Variants in LCA5 observed in about 807,000 individuals in gnomAD.
The protein encoded by LCA5 is lebercilin.
LCA5 carries 37 observed loss-of-function variants against 53.0 expected under a neutral mutation model. The ratio of observed to expected loss-of-function variants is 0.70; its 90% CI spans 0.54 to 0.92. LCA5 has a LOEUF of 0.92. LCA5 is among the 40% of genes least tolerant of loss of function. The pLI is 0.00. For synonymous variants in LCA5, 303 were observed against 282.9 expected (o/e 1.07, Z -0.71); for missense variants, 806 against 790.5 (o/e 1.02, Z -0.23).
At chr6:79,516,332 GA>G (rs1186065480) in intron 2 of LCA5, among the ~76,000 whole-genome samples, 1 of 151,622 alleles carries the variant, frequency 6.6e-6, no homozygotes, top group Non-Finnish European at 1.5e-5. Context: ...TCAGCTCTTG[GA>G]ATGACAGAAA....
At position 79,487,603 on chromosome 6, in the gene LCA5, G is replaced by C; in HGVS notation, c.1495C>G (p.Leu499Val). 1 of 1,613,994 alleles carries C rather than the reference G, an allele frequency of 6.2e-7. No individual in the cohort carries two copies. Among genetic ancestry groups the C allele is most frequent in the Non-Finnish European group, 8.5e-7 (1 of 1,179,920 alleles). ...LPLLPDFESK[L>V]HSPERSPKTY... ...TTGGGGCTTCTCTCTGGGGAGTGTA[G>C]TTTTGATTCAAAATCAGGTAACAAT... The change falls in exon 8 of 8, where the codon CTA becomes GTA. Residue 499 changes from leucine (L) to valine (V), a missense_variant. Leu to Val is a conservative substitution (Grantham distance 32). Coordinates refer to ENST00000369846, the MANE Select transcript of LCA5 (RefSeq NM_001122769.3).
intron 1 of LCA5, among the ~76,000 whole-genome samples, chr6:79,522,765 C>T (rs1766659199): frequency 6.6e-6 from 1 of 152,120 alleles, no homozygotes; most frequent in African/African-American, 2.4e-5. Context: ...TGGCTTACTG[C>T]AACCTTGAAC....
At chr6:79,509,536 G>A (rs1004738061) in intron 3 of LCA5, among the ~76,000 whole-genome samples, 4 of 150,870 alleles carry the variant, frequency 2.7e-5, no homozygotes, top group Non-Finnish European at 5.9e-5. Context: ...CAGAAATGAA[G>A]CAGTTTAGAT....
chr6:79,494,348 A>G (rs1449356065), intron 3 of LCA5, among the ~76,000 whole-genome samples: 1 of 152,178 alleles, frequency 6.6e-6, no homozygotes, highest in East Asian at 1.9e-4. Flanking sequence ...AAACATCTCT[A>G]GATAAAAACA....
In LCA5 at chr6:79,518,789, A is replaced by C; in HGVS notation, c.106T>G (p.Ser36Ala). ...DFETPQSSGRSSLVSSSPASV... is the reference protein window; with the variant it reads ...DFETPQSSGRASLVSSSPASV... ...GCAGGTGAAGAACTGACCAGCGATG[A>C]TCGGCCAGAAGACTGTGGCGTTTCA... Residue 36 changes from serine (S) to alanine (A), a missense_variant, in exon 2 of 8, where the codon TCA becomes GCA. By Grantham distance (99) the Ser-to-Ala change is moderately conservative. Coordinates refer to ENST00000369846, the MANE Select transcript of LCA5 (RefSeq NM_001122769.3). The C allele has an allele frequency of 3.1e-6, 5 of 1,614,170 alleles. No homozygotes were observed. The highest frequency in any genetic ancestry group is 4.2e-6 in the Non-Finnish European group (5 of 1,180,026).
intron 3 of LCA5, among the ~76,000 whole-genome samples, chr6:79,494,861 T>C (rs572580374): frequency 4.6e-4 from 70 of 152,278 alleles, no homozygotes; most frequent in Admixed American, 1.3e-3. Context: ...TGTTAAGAAA[T>C]AAAGTGTCTT....
intron 3 of LCA5, among the ~76,000 whole-genome samples, chr6:79,501,338 G>C (rs1165957911): frequency 6.6e-6 from 1 of 151,982 alleles, no homozygotes; most frequent in Non-Finnish European, 1.5e-5. Context: ...TTATGCCAGA[G>C]AGTGCCAAAT....
chr6:79,529,836 C>G (rs1019960853), intron 1 of LCA5, among the ~76,000 whole-genome samples: 26 of 151,594 alleles, frequency 1.7e-4, no homozygotes, highest in Non-Finnish European at 1.5e-5. Context: ...CCATCATTCT[C>G]AGCAAACTAT....
chr6:79,487,661 T>G lies in LCA5; in HGVS notation c.1437A>C (p.Gln479His). The G allele has an allele frequency of 1.2e-6, 2 of 1,614,002 alleles. No individual in the cohort carries two copies. Among genetic ancestry groups the G allele is most frequent in the Non-Finnish European group, 1.7e-6 (2 of 1,179,884 alleles). Reference sequence around the variant, plus strand: ...CAGGGTATTTTAGATTTCGAGAATCTTGGAGTTCTCTGTCAATTTCATTCA... The same window carrying G: ...CAGGGTATTTTAGATTTCGAGAATCGTGGAGTTCTCTGTCAATTTCATTCA... ...AKLNEIDREL[Q>H]DSRNLKYPVL... is the part of the protein sequence containing the mutation. Residue 479 changes from glutamine to histidine, a missense_variant, in exon 8 of 8, where the codon CAA becomes CAC. By Grantham distance (24) the Gln-to-His change is conservative. Transcript: ENST00000369846.
At chr6:79,529,487 T>C (rs1766890693) in intron 1 of LCA5, among the ~76,000 whole-genome samples, 2 of 152,114 alleles carry the variant, frequency 1.3e-5, no homozygotes, top group South Asian at 4.2e-4. Context: ...GAAAGTTTAG[T>C]TATTGGGAAA....
chr6:79,494,873 G>C (rs1437088495), intron 3 of LCA5, among the ~76,000 whole-genome samples: 1 of 152,144 alleles, frequency 6.6e-6, no homozygotes, highest in Non-Finnish European at 1.5e-5. Context: ...AAGTGTCTTA[G>C]ACTTTATCTA....
chr6:79,526,388 C>CA (rs1766789314), intron 1 of LCA5, among the ~76,000 whole-genome samples: 1 of 151,926 alleles, frequency 6.6e-6, no homozygotes, highest in South Asian at 2.1e-4. Flanking sequence ...ACTAAAAACA[C>CA]AAAAAATTAG....
At chr6:79,531,122 G>GT (rs1281813433) in intron 1 of LCA5, among the ~76,000 whole-genome samples, 1 of 152,156 alleles carries the variant, frequency 6.6e-6, no homozygotes, top group Non-Finnish European at 1.5e-5. Context: ...GAAACAGACT[G>GT]TAAGTTTTCT....
At chr6:79,489,780 C>T (rs1322407966) in intron 6 of LCA5, among the ~76,000 whole-genome samples, 1 of 152,006 alleles carries the variant, frequency 6.6e-6, no homozygotes, top group Non-Finnish European at 1.5e-5. Flanking sequence ...TTAGTAAAGA[C>T]TTGTCTAGTA....
intron 3 of LCA5, among the ~76,000 whole-genome samples, chr6:79,509,272 T>C (rs150259813): frequency 2.1e-3 from 316 of 152,084 alleles, no homozygotes; most frequent in Non-Finnish European, 3.9e-3. Context: ...CTGACCAACA[T>C]AGTGAATCCC....
intron 1 of LCA5, among the ~76,000 whole-genome samples, chr6:79,534,129 A>T (rs529775044): frequency 6.6e-6 from 1 of 150,386 alleles, no homozygotes; most frequent in African/African-American, 2.4e-5. Flanking sequence ...TTCTAATAAC[A>T]TGTCCCCACG....
At chr6:79,538,203 T>C (rs751031519), upstream of LCA5, among the ~76,000 whole-genome samples, 1 of 151,938 alleles carries the variant, frequency 6.6e-6, no homozygotes, top group Non-Finnish European at 1.5e-5. Context: ...GCCATCTGAT[T>C]ATCAAGGTGG....
chr6:79,520,678 C>T (rs1030305862), intron 1 of LCA5, among the ~76,000 whole-genome samples: 1 of 152,036 alleles, frequency 6.6e-6, no homozygotes, highest in Non-Finnish European at 1.5e-5. Context: ...AAAACTAAAA[C>T]AATAAAATGA....
chr6:79,510,258 C>A (rs1351938014), intron 3 of LCA5, among the ~76,000 whole-genome samples: 3 of 152,130 alleles, frequency 2.0e-5, no homozygotes, highest in Non-Finnish European at 4.4e-5. Context: ...GGAGGGATAT[C>A]TTTTTAACAA....
Sources: gnomAD v4.1 joint callset for allele counts (sites outside exome capture counted in the v4.1 genomes callset) on GRCh38, gnomAD v4.1.1 for gene constraint, MANE v1.5 for transcripts, NCBI Gene and HGNC (gene_info 2026-07-23, HGNC 2026-07-21) for gene names.